The following VIPR2 variants were observed in gnomAD, a reference collection of about 807,000 sequenced individuals.
VIPR2 encodes vasoactive intestinal peptide receptor 2.
Under a neutral mutation model 58.0 loss-of-function variants are expected in VIPR2, and 48 were observed. The observed-to-expected ratio is 0.83, with a 90% CI of 0.66 to 1.05. The LOEUF is 1.05. VIPR2 is among the 50% of genes least tolerant of loss of function. The pLI is 0.00. For synonymous variants in VIPR2, 243 were observed against 235.2 expected, an observed-to-expected ratio of 1.03 and a Z score of -0.30; for missense variants, 534 against 558.0, an observed-to-expected ratio of 0.96 and a Z score of 0.43.
chr7:159,105,260 C>G (rs1284629065), intron 3 of VIPR2, among the ~76,000 whole-genome samples: 2 of 152,178 alleles, frequency 1.3e-5, no homozygotes, highest in Admixed American at 6.5e-5. Context: ...CACAGCAGAG[C>G]CCAGGAGGCC....
Position 159,099,485 on chromosome 7 carries a change from G to A in VIPR2, c.357+4272C>T, listed in dbSNP as rs1426350847. The stretch of plus-strand genomic sequence containing the variant: ...GCTGACATTGCCACAGCAGGCGGCG[G>A]CTGTCACTGCCTCCCAGATCCACAT... On this transcript the variant is annotated intron_variant, in intron 4 of 12. Coordinates refer to ENST00000262178, the MANE Select transcript of VIPR2 (RefSeq NM_003382.5). This position sits in a 1 kb window ranked among gnomAD's most constrained non-coding sequence, Gnocchi z 4.2. 1.3e-5 allele frequency among the ~76,000 whole-genome samples: 2 copies of A among 152,218 alleles called. No individual in the cohort carries two copies. The highest frequency in any genetic ancestry group is 3.9e-4 in the East Asian group (2 of 5,190).
intron 4 of VIPR2, among the ~76,000 whole-genome samples, chr7:159,072,011 C>A (rs1224226571): frequency 6.9e-6 from 1 of 145,708 alleles, no homozygotes; most frequent in Non-Finnish European, 1.5e-5. Flanking sequence ...ATGGTACCGG[C>A]AGGTAAGAAA....
chr7:159,097,063 G>T lies in VIPR2; in HGVS notation c.357+6694C>A, dbSNP rs1384747839. The stretch of plus-strand genomic sequence containing the variant: ...GGGGGTCTCTGGCAGGCTCCTCCTG[G>T]CACCCTGGGAGGCTGGTGTGTCCTT... On this transcript the variant is annotated intron_variant, in intron 4 of 12. Coordinates refer to ENST00000262178, the MANE Select transcript of VIPR2 (RefSeq NM_003382.5). This position sits in a 1 kb window ranked among gnomAD's most constrained non-coding sequence, Gnocchi z 5.3. 5.8e-6 allele frequency: 9 copies of T among 1,545,832 alleles called. No homozygotes were observed. The highest frequency in any genetic ancestry group is 7.9e-6 in the Non-Finnish European group (9 of 1,144,014).
At chr7:159,103,699 T>C in intron 4 of VIPR2, 58 bp downstream of exon 4, 1 of 1,317,804 alleles carries the variant, frequency 7.6e-7, no homozygotes, top group Non-Finnish European at 1.1e-6. Context: ...AGGAGGGGGC[T>C]TCTGGTGCAG....
At chr7:159,033,023 A>G (rs1306583837) in intron 10 of VIPR2, among the ~76,000 whole-genome samples, 1 of 151,990 alleles carries the variant, frequency 6.6e-6, no homozygotes, top group Non-Finnish European at 1.5e-5. Flanking sequence ...CTGGATTTAG[A>G]CACTACACAG....
At chr7:159,083,656 C>G (rs1205477236) in intron 4 of VIPR2, among the ~76,000 whole-genome samples, 1 of 152,226 alleles carries the variant, frequency 6.6e-6, no homozygotes, top group Non-Finnish European at 1.5e-5. Context: ...TGCACAGCCC[C>G]GTTCTCTCGA....
intron 4 of VIPR2, among the ~76,000 whole-genome samples, chr7:159,100,462 C>T (rs916808127): frequency 6.6e-6 from 1 of 152,122 alleles, no homozygotes; most frequent in African/African-American, 2.4e-5. Context: ...ACAGTGGGCT[C>T]ACAGTAACAC....
chr7:159,106,974 GAGGCC>G (rs1795771125), intron 3 of VIPR2, among the ~76,000 whole-genome samples: 1 of 151,810 alleles, frequency 6.6e-6, no homozygotes, highest in Non-Finnish European at 1.5e-5. Context: ...GGTGCAGAGA[GAGGCC>G]ATCCAGGGGC....
chr7:159,035,862 AACC>A (rs1853909906), intron 8 of VIPR2, 87 bp downstream of exon 8: 1 of 1,532,846 alleles, frequency 6.5e-7, no homozygotes, highest in East Asian at 2.4e-5. Context: ...CTGTCCTTCC[AACC>A]AGGTAACCTT....
chr7:159,068,501 G>T (rs781775420), intron 4 of VIPR2, among the ~76,000 whole-genome samples: 2 of 152,222 alleles, frequency 1.3e-5, no homozygotes, highest in African/African-American at 4.8e-5. Flanking sequence ...CCAGCCTTCT[G>T]TGTTCCACAG....
chr7:159,076,511 G>C (rs1856643735), intron 4 of VIPR2, among the ~76,000 whole-genome samples: 1 of 152,190 alleles, frequency 6.6e-6, no homozygotes, highest in Non-Finnish European at 1.5e-5. Context: ...GGATCCAGCT[G>C]TTCTTTTATA....
intron 4 of VIPR2, among the ~76,000 whole-genome samples, chr7:159,060,722 A>C (rs1855599430): frequency 6.6e-6 from 1 of 151,130 alleles, no homozygotes; most frequent in Non-Finnish European, 1.5e-5. Context: ...GAACTCATCT[A>C]ACCTATATTC....
Position 159,097,647 on chromosome 7 carries a change from C to T in VIPR2, c.357+6110G>A, listed in dbSNP as rs1179844182. 6.6e-6 allele frequency among the ~76,000 whole-genome samples: 1 copy of T among 152,214 alleles called. No homozygotes were observed. The highest frequency in any genetic ancestry group is 2.4e-5 in the African/African-American group (1 of 41,460). On this transcript the variant is annotated intron_variant, in intron 4 of 12. Transcript: ENST00000262178. This position sits in a 1 kb window ranked among gnomAD's most constrained non-coding sequence, Gnocchi z 5.3. The stretch of plus-strand genomic sequence containing the variant: ...AATCCAAATCACCAAGGAGAATTCC[C>T]ACTCCTTTTGGGCTTTTGACACAAC...
chr7:159,032,808 C>A (rs1361204930), intron 10 of VIPR2, among the ~76,000 whole-genome samples: 1 of 152,034 alleles, frequency 6.6e-6, no homozygotes, highest in Non-Finnish European at 1.5e-5. Context: ...CCCAAAGAAC[C>A]AATGCAAAGG....
Position 159,036,015 on chromosome 7 carries a change from G to T in VIPR2, c.749-3C>A. 1 of 1,612,744 alleles carries T rather than the reference G, an allele frequency of 6.2e-7. No homozygotes were observed. The highest frequency in any genetic ancestry group is 8.5e-7 in the Non-Finnish European group (1 of 1,179,546). ...ACCGATGCAGACGGTGGGGAGGCCT[G>T]CAGAGAGACGCCTGGTTACACAGGT... On this transcript the variant is annotated splice_polypyrimidine_tract_variant and splice_region_variant and intron_variant, in intron 7 of 12. Coordinates refer to ENST00000262178, the MANE Select transcript of VIPR2 (RefSeq NM_003382.5).
intron 5 of VIPR2, 124 bp from the exon 6 acceptor site, chr7:159,043,300 G>T: frequency 1.2e-6 from 1 of 853,166 alleles, no homozygotes; most frequent in Non-Finnish European, 1.6e-6. Context: ...AAGAGTTGAG[G>T]GCATGAAGCA....
intron 2 of VIPR2, among the ~76,000 whole-genome samples, chr7:159,131,133 A>G (rs2129497479): frequency 1.3e-5 from 2 of 152,338 alleles, no homozygotes; most frequent in Admixed American, 1.3e-4. Flanking sequence ...GGGGTCATCA[A>G]ATCTTAGAAA....
intron 2 of VIPR2, among the ~76,000 whole-genome samples, chr7:159,119,202 G>C (rs1264448930): frequency 6.6e-6 from 1 of 152,330 alleles, no homozygotes; most frequent in African/African-American, 2.4e-5. Flanking sequence ...GGACACAGGA[G>C]ATAGGAAGGA....
rs1326672419 is a variant in VIPR2, at chr7:159,045,616, A to C, written c.456-2440T>G. ...ACCTAGACATAAGAGCTAAAACCATAAAACTCTTCTGAAAAAACATAGGAG... is the reference window on the plus strand; with the variant it reads ...ACCTAGACATAAGAGCTAAAACCATCAAACTCTTCTGAAAAAACATAGGAG... On this transcript the variant is annotated intron_variant, in intron 5 of 12. Coordinates refer to ENST00000262178, the MANE Select transcript of VIPR2 (RefSeq NM_003382.5). Among the ~76,000 whole-genome samples, 9 of 152,176 alleles carry C rather than the reference A, an allele frequency of 5.9e-5. 1 individual carries two copies. The highest frequency in any genetic ancestry group is 2.2e-4 in the African/African-American group (9 of 41,452).
Sources: gnomAD v4.1 joint callset for allele counts (sites outside exome capture counted in the v4.1 genomes callset) on GRCh38, gnomAD v4.1.1 for gene constraint, Gnocchi (gnomAD v3.1) non-coding constraint, MANE v1.5 for transcripts, NCBI Gene and HGNC (gene_info 2026-07-23, HGNC 2026-07-21) for gene names.